The following FIP1L1 variants were observed in gnomAD, a reference collection of about 807,000 sequenced individuals.
The protein encoded by FIP1L1 is pre-mRNA 3'-end-processing factor FIP1.
In FIP1L1, 21 loss-of-function variants were observed where a neutral mutation model predicts 84.6. That is an observed-to-expected ratio of 0.25 (90% CI 0.18 to 0.36). The LOEUF (loss-of-function observed/expected upper bound fraction) is 0.36. FIP1L1 is among the 10% of genes least tolerant of loss of function. The pLI is 1.00. For synonymous variants in FIP1L1, 263 were observed against 242.3 expected (o/e 1.09, Z -0.80); for missense variants, 526 against 751.1 (o/e 0.70, Z 3.50).
At chr4:53,428,765 T>G (rs1358980289) in intron 13 of FIP1L1, among the ~76,000 whole-genome samples, 1 of 152,242 alleles carries the variant, frequency 6.6e-6, no homozygotes, top group African/African-American at 2.4e-5. Flanking sequence ...CCAAATTTTA[T>G]TTTTATTTGA....
At chr4:53,410,871 C>T (rs1756883363) in intron 10 of FIP1L1, among the ~76,000 whole-genome samples, 2 of 152,084 alleles carry the variant, frequency 1.3e-5, no homozygotes, top group Non-Finnish European at 1.5e-5. Context: ...AATCATTGTA[C>T]ATATTGGGTT....
intron 11 of FIP1L1, among the ~76,000 whole-genome samples, chr4:53,421,777 A>G (rs1400676224): frequency 2.0e-5 from 3 of 152,238 alleles, no homozygotes; most frequent in African/African-American, 4.8e-5. Flanking sequence ...AATTCAAGCA[A>G]TATTTCAAGC....
At chr4:53,446,731 A>G (rs561384810) in intron 15 of FIP1L1, among the ~76,000 whole-genome samples, 104 of 152,302 alleles carry the variant, frequency 6.8e-4, no homozygotes, top group South Asian at 5.6e-3. Context: ...ATTTGTTTCA[A>G]TACAGATAAA....
chr4:53,428,002 T>G (rs1296498911), intron 12 of FIP1L1, 25 bp from the exon 13 acceptor site: 2 of 1,559,828 alleles, frequency 1.3e-6, no homozygotes, highest in Non-Finnish European at 1.8e-6. Flanking sequence ...ATGCATCTGT[T>G]TAATTAACTG....
At chr4:53,417,108 A>G (rs1028558730) in intron 11 of FIP1L1, among the ~76,000 whole-genome samples, 1 of 152,226 alleles carries the variant, frequency 6.6e-6, no homozygotes, top group Non-Finnish European at 1.5e-5. Context: ...CTTTAGATAT[A>G]GTACTTTACT....
intron 10 of FIP1L1, among the ~76,000 whole-genome samples, chr4:53,401,787 T>A (rs1035251054): frequency 6.6e-6 from 1 of 152,164 alleles, no homozygotes; most frequent in African/African-American, 2.4e-5. Context: ...AAAAATGAGA[T>A]GCCTATTGGA....
At position 53,459,316 on chromosome 4, in the gene FIP1L1, G is replaced by A. The variant is rs1399209287; in HGVS notation, c.1652G>A (p.Arg551His). 6.1e-6 allele frequency: 9 copies of A among 1,479,250 alleles called. No homozygotes were observed. Among genetic ancestry groups the A allele is most frequent in the South Asian group, 2.4e-5 (2 of 83,162 alleles). 91.6% of individuals were successfully genotyped at this position (1,479,250 alleles called of 1,614,324 possible). A position where few individuals can be genotyped will look rare whatever the true frequency, so the allele number is the denominator to read the frequency against. ...HKSSRSNSRR[R>H]HESEEGDSHR... is the part of the protein sequence containing the mutation. ...TTTTTTTCCAGTAATAGTAGACGTC[G>A]CCATGAAAGTGAAGAAGGAGATAGT... The change falls in exon 18 of 18, where the codon CGC (arginine) becomes CAC (histidine). Residue 551 changes from arginine (R) to histidine (H), a missense_variant. Around this residue, in one of 6 missense-constraint regions of FIP1L1, gnomAD observed 89 missense variants for 169.0 expected, o/e 0.53. Coordinates refer to ENST00000337488, the MANE Select transcript of FIP1L1 (RefSeq NM_030917.4).
At chr4:53,416,663 G>A (rs1759631259) in intron 11 of FIP1L1, among the ~76,000 whole-genome samples, 1 of 152,078 alleles carries the variant, frequency 6.6e-6, no homozygotes, top group African/African-American at 2.4e-5. Context: ...ATAGACAAAG[G>A]CATAGAAATA....
intron 10 of FIP1L1, among the ~76,000 whole-genome samples, chr4:53,408,762 T>C (rs1477524991): frequency 6.6e-6 from 1 of 152,226 alleles, no homozygotes; most frequent in African/African-American, 2.4e-5. Context: ...GCATCACTGA[T>C]ACCCTTTCTT....
intron 5 of FIP1L1, among the ~76,000 whole-genome samples, chr4:53,384,211 C>T (rs1258102811): frequency 6.6e-6 from 1 of 152,000 alleles, no homozygotes; most frequent in Non-Finnish European, 1.5e-5. Context: ...GAGTTCAAGA[C>T]CAGCCTGACC....
chr4:53,411,402 A>T (rs1276876550), intron 10 of FIP1L1, among the ~76,000 whole-genome samples: 1 of 152,234 alleles, frequency 6.6e-6, no homozygotes, highest in Non-Finnish European at 1.5e-5. Context: ...GCCACAACTC[A>T]TTAGGAAAGT....
rs1579295795 is a variant in FIP1L1, at chr4:53,458,776, T to C, written c.1623T>C (p.His541=). 2 of 1,611,630 alleles carry C rather than the reference T, an allele frequency of 1.2e-6. No individual in the cohort carries two copies. Among genetic ancestry groups the C allele is most frequent in the Non-Finnish European group, 1.7e-6 (2 of 1,178,820 alleles). Residue 541 remains histidine (H), a synonymous_variant, in exon 17 of 18, where the codon CAT becomes CAC. Transcript: ENST00000337488. The part of the protein sequence containing the change: ...RRHREKEETR[H]KSSRSNSRRR... ...ACAGGGAGAAAGAGGAAACCAGACA[T>C]AAGTCTTCTCGAAGGTTTGCTCTTT...
At chr4:53,424,539 G>T (rs965536139) in intron 11 of FIP1L1, among the ~76,000 whole-genome samples, 1 of 152,084 alleles carries the variant, frequency 6.6e-6, no homozygotes, top group Non-Finnish European at 1.5e-5. Flanking sequence ...TTTTTAAATT[G>T]TACTAAAGTT....
At chr4:53,453,660 C>T (rs1333102415) in intron 16 of FIP1L1, among the ~76,000 whole-genome samples, 2 of 152,116 alleles carry the variant, frequency 1.3e-5, no homozygotes, top group South Asian at 2.1e-4. Flanking sequence ...TCTCTTGTTT[C>T]CCAATGCATT....
At chr4:53,395,603 G>A (rs1746800471) in intron 9 of FIP1L1, among the ~76,000 whole-genome samples, 1 of 152,148 alleles carries the variant, frequency 6.6e-6, no homozygotes, top group Non-Finnish European at 1.5e-5. Context: ...TAAACTACAT[G>A]TTCTTTGGAG....
At chr4:53,409,088 G>T (rs375260633) in intron 10 of FIP1L1, among the ~76,000 whole-genome samples, 1 of 152,080 alleles carries the variant, frequency 6.6e-6, no homozygotes, top group Admixed American at 6.6e-5. Context: ...TTAGAGTTTC[G>T]AGTTTTTCTG....
At chr4:53,457,008 T>C (rs1237413705) in intron 16 of FIP1L1, among the ~76,000 whole-genome samples, 1 of 152,148 alleles carries the variant, frequency 6.6e-6, no homozygotes, top group Non-Finnish European at 1.5e-5. Context: ...ATTTATTTCC[T>C]ATGGTGCTAG....
At chr4:53,437,983 C>T (rs537256655) in intron 13 of FIP1L1, among the ~76,000 whole-genome samples, 5 of 152,114 alleles carry the variant, frequency 3.3e-5, no homozygotes, top group South Asian at 2.1e-4. Flanking sequence ...CCTTGGCCTC[C>T]GGAAGTACTG....
intron 16 of FIP1L1, among the ~76,000 whole-genome samples, chr4:53,456,952 A>C (rs1391945983): frequency 1.3e-5 from 2 of 152,166 alleles, no homozygotes; most frequent in African/African-American, 4.8e-5. Context: ...ATGTAAATCT[A>C]GTTGGAGTCA....
Sources: allele counts gnomAD v4.1 joint callset (sites outside exome capture counted in the v4.1 genomes callset), GRCh38; gene constraint gnomAD v4.1.1; regional missense constraint gnomAD v4.1.1; transcripts MANE v1.5; gene names NCBI Gene and HGNC (gene_info 2026-07-23, HGNC 2026-07-21).